The following WWP1 variants were observed in gnomAD, a reference collection of about 807,000 sequenced individuals.
WWP1 encodes the protein NEDD4-like E3 ubiquitin-protein ligase WWP1.
In WWP1, 49 loss-of-function variants were observed where a neutral mutation model predicts 130.6. The ratio of observed to expected loss-of-function variants is 0.38; its 90% CI spans 0.30 to 0.48. The LOEUF is 0.48. Ranked by LOEUF, WWP1 falls within the 20% of genes least tolerant of loss-of-function variation. WWP1 has a pLI of 0.99. For synonymous variants in WWP1, 332 were observed against 367.8 expected (o/e 0.90, Z 1.11); for missense variants, 809 against 1,100.6 (o/e 0.74, Z 3.75).
intron 1 of WWP1, among the ~76,000 whole-genome samples, chr8:86,353,054 G>A (rs1003295960): frequency 3.9e-5 from 6 of 152,166 alleles, no homozygotes; most frequent in Non-Finnish European, 5.9e-5. Context: ...ACTGAAATGT[G>A]TCAAATTTGG....
intron 12 of WWP1, 79 bp from the exon 13 acceptor site, chr8:86,431,327 A>C: frequency 5.7e-6 from 2 of 349,128 alleles, no homozygotes; most frequent in South Asian, 1.7e-4. Context: ...AATATATATT[A>C]TATATAATTA....
At chr8:86,364,698 TGA>T (rs1823855583) in intron 1 of WWP1, among the ~76,000 whole-genome samples, 1 of 151,878 alleles carries the variant, frequency 6.6e-6, no homozygotes, top group Non-Finnish European at 1.5e-5. Context: ...GTCAACTACT[TGA>T]GAGTCTCAGG....
chr8:86,423,410 G>T (rs940007058), intron 9 of WWP1, among the ~76,000 whole-genome samples: 3 of 152,056 alleles, frequency 2.0e-5, no homozygotes, highest in East Asian at 3.9e-4. Context: ...CTTGAGATTA[G>T]GGAGTGGTGA....
chr8:86,399,006 T>A (rs1439464899), intron 7 of WWP1, among the ~76,000 whole-genome samples: 1 of 152,210 alleles, frequency 6.6e-6, no homozygotes, highest in East Asian at 1.9e-4. Context: ...ACTTTTTCTG[T>A]GTCTGTGGAT....
intron 1 of WWP1, among the ~76,000 whole-genome samples, chr8:86,357,137 T>C (rs2091930768): frequency 6.6e-6 from 1 of 152,232 alleles, no homozygotes; most frequent in South Asian, 2.1e-4. Flanking sequence ...ATATGCACTA[T>C]TTTCAGTGAA....
chr8:86,426,558 A>C (rs1290988533), intron 10 of WWP1, among the ~76,000 whole-genome samples: 2 of 152,050 alleles, frequency 1.3e-5, no homozygotes, highest in African/African-American at 4.8e-5. Flanking sequence ...AACAAAATTC[A>C]CTCATGACAC....
At chr8:86,349,772 A>T (rs535207619) in intron 1 of WWP1, among the ~76,000 whole-genome samples, 116 of 151,812 alleles carry the variant, frequency 7.6e-4, no homozygotes, top group African/African-American at 2.8e-3. Context: ...GCTTGAGGGC[A>T]GTGGGATCTA....
At chr8:86,457,231 GT>G (rs1407820127) in intron 21 of WWP1, among the ~76,000 whole-genome samples, 5 of 151,884 alleles carry the variant, frequency 3.3e-5, no homozygotes, top group African/African-American at 1.2e-4. Flanking sequence ...AGTTGAGGTT[GT>G]TTGACAATTT....
At chr8:86,453,558 G>A (rs991298622) in intron 21 of WWP1, among the ~76,000 whole-genome samples, 2 of 152,132 alleles carry the variant, frequency 1.3e-5, no homozygotes, top group Non-Finnish European at 2.9e-5. Flanking sequence ...TGTACCAGGA[G>A]TGGTATTGTT....
intron 9 of WWP1, among the ~76,000 whole-genome samples, chr8:86,412,668 G>A (rs1000493693): frequency 6.8e-6 from 1 of 147,962 alleles, no homozygotes; most frequent in Admixed American, 6.7e-5. Flanking sequence ...TCTTCATTTT[G>A]TTACCTCAGT....
chr8:86,408,558 G>A (rs891021936), intron 8 of WWP1, among the ~76,000 whole-genome samples: 3 of 152,140 alleles, frequency 2.0e-5, no homozygotes, highest in African/African-American at 7.2e-5. Context: ...TAACAATACT[G>A]AATCTTCCCA....
At chr8:86,425,068 A>G (rs1202512463) in intron 9 of WWP1, among the ~76,000 whole-genome samples, 155 bp from the exon 10 acceptor site, 7 of 152,018 alleles carry the variant, frequency 4.6e-5, no homozygotes, top group Admixed American at 2.6e-4. Flanking sequence ...ACACTTCTGT[A>G]TATATATATA....
chr8:86,439,063 G>C (rs540540498), intron 17 of WWP1, among the ~76,000 whole-genome samples: 4 of 152,086 alleles, frequency 2.6e-5, no homozygotes, highest in African/African-American at 7.2e-5. Context: ...AGTTTTAAAG[G>C]CTGGACGTGG....
chr8:86,441,320 G>T (rs1023445445), intron 17 of WWP1, among the ~76,000 whole-genome samples: 35 of 152,154 alleles, frequency 2.3e-4, no homozygotes, highest in African/African-American at 8.2e-4. Flanking sequence ...GTTACAACTG[G>T]ACTTAGTTTT....
intron 18 of WWP1, among the ~76,000 whole-genome samples, chr8:86,443,852 T>C (rs979758683): frequency 6.6e-6 from 1 of 152,124 alleles, no homozygotes; most frequent in Non-Finnish European, 1.5e-5. Flanking sequence ...CATTCTTGAT[T>C]GAGAAAGAGA....
chr8:86,465,522 G>A (rs13252046), intron 24 of WWP1, among the ~76,000 whole-genome samples: 1 of 151,864 alleles, frequency 6.6e-6, no homozygotes, highest in Non-Finnish European at 1.5e-5. Flanking sequence ...GCCACTCCAG[G>A]GACTGAGGTG....
At chr8:86,370,522 G>C (rs1824225238) in intron 2 of WWP1, among the ~76,000 whole-genome samples, 1 of 152,250 alleles carries the variant, frequency 6.6e-6, no homozygotes, top group South Asian at 2.1e-4. Flanking sequence ...TCTTTACTGG[G>C]CTTCTGTAAT....
intron 9 of WWP1, among the ~76,000 whole-genome samples, chr8:86,420,753 CTG>C (rs1438086832): frequency 2.0e-5 from 3 of 151,978 alleles, no homozygotes; most frequent in African/African-American, 7.3e-5. Flanking sequence ...CTGTATGACT[CTG>C]TTTATGTGAA....
At chr8:86,376,273 A>T (rs7839610) in intron 3 of WWP1, among the ~76,000 whole-genome samples, 19,396 of 152,206 alleles carry the variant, frequency 0.13, 3,274 homozygotes, top group African/African-American at 0.39. Context: ...CTTAGGTAAA[A>T]TAAGAAAAAA....
Sources: allele counts gnomAD v4.1 joint callset (sites outside exome capture counted in the v4.1 genomes callset), GRCh38; gene constraint gnomAD v4.1.1; transcripts MANE v1.5; gene names NCBI Gene and HGNC (gene_info 2026-07-23, HGNC 2026-07-21).